Variants in NOX4 observed in about 807,000 individuals in gnomAD.
The protein encoded by NOX4 is kidney oxidase-1.
A neutral mutation model predicts 87.6 loss-of-function variants in NOX4; 69 were observed. The ratio of observed to expected loss-of-function variants is 0.79; its 90% CI spans 0.65 to 0.96. NOX4 has a LOEUF of 0.96. Among genes scored for constraint, NOX4 ranks in the 40% least tolerant of loss-of-function variants. NOX4 has a pLI of 0.00. For missense variants in NOX4, 680 were observed against 681.5 expected (o/e 1.00, Z 0.02); for synonymous variants, 275 against 238.2 (o/e 1.15, Z -1.42).
At chr11:89,532,185 C>G in the NOX4 span, among the ~76,000 whole-genome samples, 4 of 152,202 alleles carry the variant, frequency 2.6e-5, no homozygotes, top group African/African-American at 9.7e-5. Context: ...GGCCACTGTC[C>G]TCCATACACC....
At chr11:89,460,726 C>T (rs1239548192) in intron 2 of NOX4, among the ~76,000 whole-genome samples, 1 of 152,142 alleles carries the variant, frequency 6.6e-6, no homozygotes, top group Non-Finnish European at 1.5e-5. Context: ...TAAACTAGTT[C>T]AACCATTGTG....
chr11:89,347,710 A>G (rs1172203465), intron 13 of NOX4, among the ~76,000 whole-genome samples: 1 of 152,024 alleles, frequency 6.6e-6, no homozygotes, highest in African/African-American at 2.4e-5. Flanking sequence ...TTCTTGCATA[A>G]TAGTCATCAC....
At chr11:89,387,490 A>T (rs531384969) in intron 11 of NOX4, among the ~76,000 whole-genome samples, 17 of 152,152 alleles carry the variant, frequency 1.1e-4, no homozygotes, top group Non-Finnish European at 2.2e-4. Flanking sequence ...GCCTGTACCC[A>T]GGTGATTAAA....
In NOX4 at chr11:89,488,323, C is replaced by A. The variant is rs561418752; in HGVS notation, c.153+2135G>T. Among the ~76,000 whole-genome samples the A allele has an allele frequency of 1.2e-4, 18 of 151,726 alleles. No homozygotes were observed. The South Asian group carries it at 3.3e-3, about 28-fold the overall frequency. On this transcript the variant is annotated intron_variant, in intron 2 of 17. Transcript: ENST00000263317. ...TTATTGAGCCCTATGTGTCAGCAGT[C>A]CTTGAAGCTCATTACCCTGTCTGTT...
intron 11 of NOX4, among the ~76,000 whole-genome samples, chr11:89,376,208 C>T (rs1793274827): frequency 6.6e-6 from 1 of 152,170 alleles, no homozygotes; most frequent in South Asian, 2.1e-4. Context: ...GTCACTGATA[C>T]TTCTCCAAAC....
At chr11:89,565,698 C>T in the NOX4 span, among the ~76,000 whole-genome samples, 5 of 151,488 alleles carry the variant, frequency 3.3e-5, no homozygotes, top group South Asian at 4.2e-4. Context: ...GCACAATGTG[C>T]GCATGTACCC....
the NOX4 span, among the ~76,000 whole-genome samples, chr11:89,580,571 T>G: frequency 1.3e-5 from 2 of 152,198 alleles, no homozygotes; most frequent in African/African-American, 4.8e-5. Flanking sequence ...AACATTAAAC[T>G]GATAAGTGAA....
intron 12 of NOX4, among the ~76,000 whole-genome samples, chr11:89,361,389 A>G (rs1216288875): frequency 6.6e-6 from 1 of 152,102 alleles, no homozygotes; most frequent in Non-Finnish European, 1.5e-5. Flanking sequence ...TATAAGTGAG[A>G]GCTAAGCTAA....
chr11:89,571,776 C>T, the NOX4 span, among the ~76,000 whole-genome samples: 1 of 151,946 alleles, frequency 6.6e-6, no homozygotes, highest in Non-Finnish European at 1.5e-5. Flanking sequence ...CCAAACCTGC[C>T]TTCCATTGTA....
chr11:89,456,792 G>T (rs1037453670), intron 2 of NOX4, among the ~76,000 whole-genome samples: 2 of 152,184 alleles, frequency 1.3e-5, no homozygotes, highest in African/African-American at 4.8e-5. Context: ...CAGGGTTTGG[G>T]ACAGGAACAG....
chr11:89,465,292 T>C (rs966994477), intron 2 of NOX4, among the ~76,000 whole-genome samples: 1 of 151,966 alleles, frequency 6.6e-6, no homozygotes, highest in Non-Finnish European at 1.5e-5. Context: ...GCGTCATCCA[T>C]GTCCCTGCAA....
At chr11:89,434,005 G>A (rs553322640) in intron 6 of NOX4, among the ~76,000 whole-genome samples, 11 of 152,126 alleles carry the variant, frequency 7.2e-5, no homozygotes, top group African/African-American at 2.6e-4. Flanking sequence ...TCCCATCTGA[G>A]ATAATCTTAA....
intron 13 of NOX4, among the ~76,000 whole-genome samples, chr11:89,342,812 A>AGT (rs1946062283): frequency 1.3e-5 from 2 of 152,158 alleles, no homozygotes; most frequent in East Asian, 1.9e-4. Context: ...TATATATTCA[A>AGT]GTGTGTGTGT....
At chr11:89,390,804 A>G (rs929260305) in intron 11 of NOX4, among the ~76,000 whole-genome samples, 1 of 152,202 alleles carries the variant, frequency 6.6e-6, no homozygotes, top group Admixed American at 6.6e-5. Flanking sequence ...GACCTTTGCC[A>G]TAGGTACATT....
chr11:89,438,627 A>T (rs1180358050), intron 6 of NOX4, among the ~76,000 whole-genome samples: 1 of 85,126 alleles, frequency 1.2e-5, no homozygotes, highest in Admixed American at 2.2e-4. Context: ...AGTATATATT[A>T]TATACTATAT....
chr11:89,360,449 C>T (rs528245416), intron 12 of NOX4, among the ~76,000 whole-genome samples: 2 of 152,046 alleles, frequency 1.3e-5, no homozygotes, highest in African/African-American at 4.8e-5. Flanking sequence ...ATATGTACTC[C>T]CTGAAAATAC....
chr11:89,578,115 T>A, the NOX4 span, among the ~76,000 whole-genome samples: 6 of 151,992 alleles, frequency 3.9e-5, no homozygotes, highest in Non-Finnish European at 7.4e-5. Flanking sequence ...TTTGGAAGTA[T>A]ATGCTTGGAA....
intron 11 of NOX4, among the ~76,000 whole-genome samples, chr11:89,393,716 A>G (rs970831421): frequency 6.6e-6 from 1 of 152,158 alleles, no homozygotes; most frequent in Non-Finnish European, 1.5e-5. Context: ...TAATATTGAC[A>G]ATATCAAAGA....
At chr11:89,337,899 A>C (rs935833928) in intron 15 of NOX4, among the ~76,000 whole-genome samples, 1 of 152,094 alleles carries the variant, frequency 6.6e-6, no homozygotes, top group African/African-American at 2.4e-5. Context: ...TCTTGAGAAA[A>C]AAAGACAATA....
Sources: allele counts gnomAD v4.1 joint callset (sites outside exome capture counted in the v4.1 genomes callset), GRCh38; gene constraint gnomAD v4.1.1; transcripts MANE v1.5; gene names NCBI Gene and HGNC (gene_info 2026-07-23, HGNC 2026-07-21).